The following SEC14L5 variants were observed in gnomAD, a reference collection of about 807,000 sequenced individuals.
SEC14L5 encodes the protein SEC14-like protein 5.
In SEC14L5, 96 loss-of-function variants were observed where a neutral mutation model predicts 84.6. The ratio of observed to expected loss-of-function variants is 1.13; its 90% confidence interval spans 0.96 to 1.34. The LOEUF (loss-of-function observed/expected upper bound fraction) is 1.34. SEC14L5 is among the 40% of genes most tolerant of loss of function. The probability of loss-of-function intolerance (pLI) is 0.00; values close to 1 mark genes in which losing one functional copy is unlikely to be tolerated. For missense variants in SEC14L5, 1,224 were observed against 942.5 expected (o/e 1.30, Z -3.91); for synonymous variants, 546 against 383.4 (o/e 1.42, Z -4.95).
intron 8 of SEC14L5, among the ~76,000 whole-genome samples, chr16:4,998,306 C>T (rs1017710997): frequency 6.6e-6 from 1 of 151,806 alleles, no homozygotes; most frequent in Non-Finnish European, 1.5e-5. Flanking sequence ...TGCACCCAGG[C>T]ATGGGTCACA....
chr16:4,996,773 T>C (rs1218634633), intron 7 of SEC14L5, 82 bp from the exon 8 acceptor site: 8 of 1,089,590 alleles, frequency 7.3e-6, no homozygotes, highest in African/African-American at 1.6e-5. Flanking sequence ...GGTCTCACCA[T>C]GTTGCCCCGG....
In SEC14L5 at chr16:4,990,834, T is replaced by C. The variant is rs1955545227; in HGVS notation, c.413T>C (p.Phe138Ser). The part of the protein sequence containing the change: ...QSASLDIRSF[F>S]GFENALEKIA... ...GCCTCACTGGACATTCGGTCTTTCTTTGGCTTTGAAAATGCCTTGGAGAAG... is the reference window on the plus strand; with the variant it reads ...GCCTCACTGGACATTCGGTCTTTCTCTGGCTTTGAAAATGCCTTGGAGAAG... Residue 138 changes from phenylalanine (F) to serine (S), a missense_variant, in exon 5 of 16, where the codon TTT (phenylalanine) becomes TCT (serine). Coordinates refer to ENST00000251170, the MANE Select transcript of SEC14L5 (RefSeq NM_014692.2). 1.2e-6 allele frequency: 2 copies of C among 1,612,114 alleles called. No homozygotes were observed. Among genetic ancestry groups the C allele is most frequent in the Non-Finnish European group, 8.5e-7 (1 of 1,179,010 alleles).
intron 2 of SEC14L5, among the ~76,000 whole-genome samples, chr16:4,965,406 A>G (rs1955185857): frequency 6.6e-6 from 1 of 152,140 alleles, no homozygotes; most frequent in Admixed American, 6.6e-5. Flanking sequence ...TCACGCCTGT[A>G]ATCCCAGCAC....
At chr16:4,995,667 C>T (rs1163373116) in intron 6 of SEC14L5, among the ~76,000 whole-genome samples, 1 of 147,894 alleles carries the variant, frequency 6.8e-6, no homozygotes, top group East Asian at 2.0e-4. Flanking sequence ...CACTCTGTTG[C>T]CCAGGCTGGA....
At chr16:4,990,720 G>T in intron 4 of SEC14L5, 47 bp from the exon 5 acceptor site, 11 of 1,558,216 alleles carry the variant, frequency 7.1e-6, no homozygotes, top group East Asian at 2.4e-5. Context: ...GGAGGGCAGG[G>T]TGCCCCCGAC....
Position 4,977,839 on chromosome 16 carries a change from C to T in SEC14L5, c.64-9718C>T, listed in dbSNP as rs918387591. Reference sequence around the variant, plus strand: ...ATTATTTTTGAGATGGAGTCTCTGTCGCTCAGGCTGGAGTACAGTGGCATG... The same window carrying T: ...ATTATTTTTGAGATGGAGTCTCTGTTGCTCAGGCTGGAGTACAGTGGCATG... On this transcript the variant is annotated intron_variant, in intron 2 of 15. Coordinates refer to ENST00000251170, the MANE Select transcript of SEC14L5 (RefSeq NM_014692.2). Among the ~76,000 whole-genome samples, 14 of 151,658 alleles carry T rather than the reference C, an allele frequency of 9.2e-5. 1 individual carries two copies. The highest frequency in any genetic ancestry group is 5.9e-4 in the Admixed American group (9 of 15,226).
At chr16:4,978,733 G>T (rs1010227579) in intron 2 of SEC14L5, among the ~76,000 whole-genome samples, 4 of 151,954 alleles carry the variant, frequency 2.6e-5, no homozygotes, top group African/African-American at 9.7e-5. Context: ...CTCCCGAGTA[G>T]CTGGAACTAC....
intron 2 of SEC14L5, among the ~76,000 whole-genome samples, chr16:4,984,007 A>G (rs1955459309): frequency 2.6e-5 from 4 of 152,158 alleles, no homozygotes; most frequent in Admixed American, 2.6e-4. Flanking sequence ...TTAAAGAAAC[A>G]GTTTTATTGA....
chr16:5,007,440 G>T lies in SEC14L5; in HGVS notation c.1526G>T (p.Ser509Ile), dbSNP rs771962105. ...CACACGGACCAGCTGTGGCAGTGGA[G>T]TGAGACCTACCATTCAGCCAGCGTG... ...QEHTDQLWQW[S>I]ETYHSASVLR... Residue 509 changes from serine (S) to isoleucine (I), a missense_variant, in exon 13 of 16, where the codon AGT becomes ATT. Physicochemically the swap from Ser to Ile is moderately radical, Grantham distance 142. Coordinates refer to ENST00000251170, the MANE Select transcript of SEC14L5 (RefSeq NM_014692.2). The T allele has an allele frequency of 4.3e-6, 7 of 1,613,922 alleles. No homozygotes were observed. In the South Asian group the frequency reaches 4.4e-5, roughly 10 times the overall value.
chr16:4,982,632 G>A (rs1425941250), intron 2 of SEC14L5, among the ~76,000 whole-genome samples: 1 of 152,198 alleles, frequency 6.6e-6, no homozygotes, highest in Non-Finnish European at 1.5e-5. Flanking sequence ...ACAGTGGCAT[G>A]GAATCCAGCT....
At chr16:4,975,620 C>T (rs750463014) in intron 2 of SEC14L5, among the ~76,000 whole-genome samples, 2 of 151,822 alleles carry the variant, frequency 1.3e-5, no homozygotes, top group African/African-American at 2.4e-5. Context: ...GTGAATTGTG[C>T]TGCTATAAAC....
chr16:4,965,546 A>G (rs577093740), intron 2 of SEC14L5, among the ~76,000 whole-genome samples: 185 of 149,876 alleles, frequency 1.2e-3, no homozygotes, highest in African/African-American at 4.3e-3. Flanking sequence ...CTGTAGTCCC[A>G]GCTACTCGGG....
Position 5,011,241 on chromosome 16 carries a change from C to T in SEC14L5, c.1947C>T (p.Tyr649=), listed in dbSNP as rs755104799. The T allele has an allele frequency of 2.5e-6, 4 of 1,613,778 alleles. No individual in the cohort carries two copies. The highest frequency in any genetic ancestry group is 3.3e-5 in the Admixed American group (2 of 60,002). ...HSPGPKCKLL[Y]YCEVLASEDF... Reference sequence around the variant, plus strand: ...CCGGGCCCAAGTGCAAACTTCTCTACTACTGTGAGGTGCTCGCCTCTGAGG... The same window carrying T: ...CCGGGCCCAAGTGCAAACTTCTCTATTACTGTGAGGTGCTCGCCTCTGAGG... The change falls in exon 15 of 16, where the codon TAC becomes TAT. Residue 649 remains tyrosine (Y), a synonymous_variant. Transcript: ENST00000251170.
At chr16:4,986,139 C>CTT (rs1322526710) in intron 2 of SEC14L5, among the ~76,000 whole-genome samples, 16 of 150,396 alleles carry the variant, frequency 1.1e-4, no homozygotes, top group African/African-American at 3.7e-4. Flanking sequence ...TCTTCTTCTT[C>CTT]TTCTTTTTTT....
At chr16:4,991,618 G>A (rs1219515905) in intron 5 of SEC14L5, among the ~76,000 whole-genome samples, 1 of 152,032 alleles carries the variant, frequency 6.6e-6, no homozygotes, top group Non-Finnish European at 1.5e-5. Flanking sequence ...ACTGATTACT[G>A]AGCTATTTTG....
intron 2 of SEC14L5, among the ~76,000 whole-genome samples, chr16:4,972,874 C>T (rs1173654179): frequency 2.6e-5 from 4 of 152,202 alleles, no homozygotes; most frequent in African/African-American, 4.8e-5. Context: ...AATGTGGTAC[C>T]TGGCATTGTC....
In SEC14L5 at chr16:4,996,343, C is replaced by G. The variant is rs371195842; in HGVS notation, c.668-5C>G. On this transcript the variant is annotated splice_polypyrimidine_tract_variant and splice_region_variant and intron_variant, in intron 6 of 15. Transcript: ENST00000251170. Reference sequence around the variant, plus strand: ...TTGTCCTGAAGCTCCCCCTTCTCCTCCAAGGGGACAAGCTGGATGCGGACT... The same window carrying G: ...TTGTCCTGAAGCTCCCCCTTCTCCTGCAAGGGGACAAGCTGGATGCGGACT... The G allele has an allele frequency of 6.5e-7, 1 of 1,533,682 alleles. No homozygotes were observed.
intron 10 of SEC14L5, among the ~76,000 whole-genome samples, 188 bp downstream of exon 10, chr16:5,001,113 CTG>C (rs1191424990): frequency 3.9e-5 from 6 of 152,114 alleles, no homozygotes; most frequent in African/African-American, 1.4e-4. Context: ...CATGGGGAAA[CTG>C]AGATTCAGAA....
At chr16:4,978,786 T>C (rs1361772922) in intron 2 of SEC14L5, among the ~76,000 whole-genome samples, 1 of 152,078 alleles carries the variant, frequency 6.6e-6, no homozygotes, top group African/African-American at 2.4e-5. Context: ...GTATTTTTAG[T>C]AGAGACGGGT....
Sources: allele counts gnomAD v4.1 joint callset (sites outside exome capture counted in the v4.1 genomes callset), GRCh38; gene constraint gnomAD v4.1.1; transcripts MANE v1.5; gene names NCBI Gene and HGNC (gene_info 2026-07-23, HGNC 2026-07-21).